NRG1: variants seen among roughly 807,000 people sequenced by gnomAD.
NRG1 encodes the protein pro-neuregulin-1, membrane-bound isoform.
NRG1 carries 18 observed loss-of-function variants against 63.8 expected under a neutral mutation model. That is an observed-to-expected ratio of 0.28 (90% confidence interval 0.19 to 0.42). The LOEUF is 0.42. NRG1 is among the 10% of genes least tolerant of loss of function. The probability of loss-of-function intolerance (pLI) is 1.00; values close to 1 mark genes in which losing one functional copy is unlikely to be tolerated. For missense variants in NRG1, 762 were observed against 814.7 expected (o/e 0.94, Z 0.79); for synonymous variants, 302 against 301.3 (o/e 1.00, Z -0.02).
chr8:32,662,459 G>A (rs749778659), intron 5 of NRG1, among the ~76,000 whole-genome samples: 6 of 152,280 alleles, frequency 3.9e-5, no homozygotes, highest in Middle Eastern at 3.4e-3. Context: ...CTTTTCCACC[G>A]AAAGAGATGA....
chr8:32,371,692 T>G (rs1808882131), intron 1 of NRG1, among the ~76,000 whole-genome samples: 1 of 152,158 alleles, frequency 6.6e-6, no homozygotes, highest in Admixed American at 6.5e-5. Flanking sequence ...CTTCCCATTC[T>G]CCTTTCTGCC....
At chr8:32,632,902 G>C (rs1281920208) in intron 5 of NRG1, among the ~76,000 whole-genome samples, 1 of 152,096 alleles carries the variant, frequency 6.6e-6, no homozygotes, top group Non-Finnish European at 1.5e-5. Context: ...TTGTTATCAG[G>C]ACTCATGTTT....
chr8:32,071,486 G>A (rs1277056011), intron 1 of NRG1, among the ~76,000 whole-genome samples: 2 of 152,146 alleles, frequency 1.3e-5, no homozygotes, highest in Admixed American at 1.3e-4. Context: ...TCCTATCAGG[G>A]ATGCATTCCT....
At chr8:31,659,820 C>A (rs1195154867) in intron 1 of NRG1, among the ~76,000 whole-genome samples, 1 of 152,158 alleles carries the variant, frequency 6.6e-6, no homozygotes, top group Non-Finnish European at 1.5e-5. Context: ...AGATGAAAAC[C>A]AATCTTTTTG....
intron 1 of NRG1, among the ~76,000 whole-genome samples, chr8:31,717,457 A>G (rs1049736036): frequency 1.3e-5 from 2 of 151,614 alleles, no homozygotes; most frequent in African/African-American, 4.8e-5. Context: ...TTGTGTTAAC[A>G]TGGGGGCCTG....
intron 1 of NRG1, among the ~76,000 whole-genome samples, chr8:32,202,598 C>T (rs1217266219): frequency 6.6e-6 from 1 of 152,034 alleles, no homozygotes; most frequent in Non-Finnish European, 1.5e-5. Context: ...TCATACAGAC[C>T]TGAAGGCTGG....
intron 1 of NRG1, among the ~76,000 whole-genome samples, chr8:31,926,331 G>C (rs1341509984): frequency 6.6e-6 from 1 of 151,922 alleles, no homozygotes; most frequent in Non-Finnish European, 1.5e-5. Context: ...TGTTCAGCCT[G>C]TCTGCCCCAT....
At chr8:32,368,433 G>T (rs1473249530) in intron 1 of NRG1, among the ~76,000 whole-genome samples, 1 of 152,050 alleles carries the variant, frequency 6.6e-6, no homozygotes, top group Non-Finnish European at 1.5e-5. Flanking sequence ...GGCAAGAATA[G>T]TGGTGTGTAC....
intron 1 of NRG1, among the ~76,000 whole-genome samples, chr8:31,900,574 G>A (rs1050412080): frequency 6.6e-6 from 1 of 152,134 alleles, no homozygotes; most frequent in Admixed American, 6.6e-5. Flanking sequence ...GTCTTTATCA[G>A]CCATGATCAA....
intron 1 of NRG1, among the ~76,000 whole-genome samples, chr8:32,425,939 G>A (rs947829892): frequency 6.6e-6 from 1 of 152,162 alleles, no homozygotes; most frequent in African/African-American, 2.4e-5. Context: ...TTCTCGGGCT[G>A]GGTTAGAGTG....
At chr8:32,339,105 G>A (rs1803709270) in intron 1 of NRG1, among the ~76,000 whole-genome samples, 1 of 152,120 alleles carries the variant, frequency 6.6e-6, no homozygotes, top group Non-Finnish European at 1.5e-5. Context: ...GTGGTTCACA[G>A]AAGAATAGAA....
Position 32,271,909 on chromosome 8 carries a change from C to T in NRG1, c.38-323919C>T, listed in dbSNP as rs568176066. On this transcript the variant is annotated intron_variant, in intron 1 of 10. Coordinates refer to the NRG1 transcript ENST00000519301. ...ACAGCATGGCCTGCTTCTAGAAAACCAATGGGGCTCAGAGGCAGTCCAGAC... is the reference window on the plus strand; with the variant it reads ...ACAGCATGGCCTGCTTCTAGAAAACTAATGGGGCTCAGAGGCAGTCCAGAC... 1.3e-3 allele frequency among the ~76,000 whole-genome samples: 204 copies of T among 152,176 alleles called. 1 individual carries two copies. The highest frequency in any genetic ancestry group is 2.2e-3 in the Non-Finnish European group (150 of 68,014).
chr8:32,262,637 G>C (rs1850507563), intron 1 of NRG1, among the ~76,000 whole-genome samples: 1 of 152,058 alleles, frequency 6.6e-6, no homozygotes, highest in South Asian at 2.1e-4. Context: ...CCACTACAAA[G>C]TTTATTACCT....
chr8:32,559,009 G>A (rs186996148), intron 1 of NRG1, among the ~76,000 whole-genome samples: 1 of 147,928 alleles, frequency 6.8e-6, no homozygotes. Context: ...AGCCCAGGAG[G>A]TTGAGGCTGT....
chr8:31,958,623 G>T (rs954843120), intron 1 of NRG1, among the ~76,000 whole-genome samples: 1 of 152,162 alleles, frequency 6.6e-6, no homozygotes, highest in Non-Finnish European at 1.5e-5. Context: ...GCTTCCTAAG[G>T]TGACCACTTG....
chr8:32,087,247 G>C (rs6468081), intron 1 of NRG1, among the ~76,000 whole-genome samples: 148,272 of 152,060 alleles, frequency 0.98, 72,402 homozygotes, highest in East Asian at 1. Context: ...AGTACCATCT[G>C]CTTGGTGATA....
At chr8:31,746,485 A>G (rs1252826543) in intron 1 of NRG1, among the ~76,000 whole-genome samples, 1 of 152,004 alleles carries the variant, frequency 6.6e-6, no homozygotes, top group Non-Finnish European at 1.5e-5. Context: ...CAAAGGAGTT[A>G]AAGATGTAGT....
chr8:31,906,893 C>G (rs970884300), intron 1 of NRG1, among the ~76,000 whole-genome samples: 6 of 152,186 alleles, frequency 3.9e-5, no homozygotes, highest in Admixed American at 3.9e-4. Flanking sequence ...GCCACAATCT[C>G]AGTCTATGAA....
chr8:32,056,312 C>T (rs1822928785), intron 1 of NRG1, among the ~76,000 whole-genome samples: 1 of 152,174 alleles, frequency 6.6e-6, no homozygotes, highest in African/African-American at 2.4e-5. Flanking sequence ...CTCTACCTGG[C>T]TGGCCTTGCC....
Sources: allele counts gnomAD v4.1 joint callset (sites outside exome capture counted in the v4.1 genomes callset), GRCh38; gene constraint gnomAD v4.1.1; transcripts MANE v1.5; gene names NCBI Gene and HGNC (gene_info 2026-07-23, HGNC 2026-07-21).